PRKCA: variants seen among roughly 807,000 people sequenced by gnomAD.
PRKCA encodes the protein protein kinase C alpha, also known as protein kinase C alpha type.
A neutral mutation model predicts 87.0 loss-of-function variants in PRKCA; 27 were observed. The observed-to-expected ratio is 0.31, with a 90% CI of 0.23 to 0.43. The LOEUF is 0.43. PRKCA is among the 20% of genes least tolerant of loss of function. The pLI is 1.00. For synonymous variants in PRKCA, 329 were observed against 311.1 expected (o/e 1.06, Z -0.61); for missense variants, 518 against 852.3 (o/e 0.61, Z 4.88).
intron 3 of PRKCA, among the ~76,000 whole-genome samples, chr17:66,514,382 C>G (rs2144187774): frequency 6.6e-6 from 1 of 152,256 alleles, no homozygotes; most frequent in African/African-American, 2.4e-5. Flanking sequence ...GAGAACTCTC[C>G]TTCGCCCAAC....
At chr17:66,559,032 T>C (rs1514655) in intron 3 of PRKCA, among the ~76,000 whole-genome samples, 90,847 of 151,596 alleles carry the variant, frequency 0.6, 28,525 homozygotes, top group African/African-American at 0.8. Flanking sequence ...TCGAACAGGC[T>C]GTGGCTTCCC....
intron 2 of PRKCA, among the ~76,000 whole-genome samples, chr17:66,363,399 C>T (rs148037342): frequency 1.6e-3 from 237 of 152,244 alleles, no homozygotes; most frequent in African/African-American, 5.0e-3. Flanking sequence ...AAAAATGAAG[C>T]GTTGGTATTG....
chr17:66,669,859 G>A (rs568018269), intron 5 of PRKCA, among the ~76,000 whole-genome samples: 20 of 152,258 alleles, frequency 1.3e-4, no homozygotes, highest in East Asian at 1.2e-3. Flanking sequence ...CTGAGATTGC[G>A]CCACTGCACC....
intron 13 of PRKCA, among the ~76,000 whole-genome samples, chr17:66,743,530 C>T (rs901440428): frequency 6.6e-6 from 1 of 152,208 alleles, no homozygotes; most frequent in Non-Finnish European, 1.5e-5. Context: ...TTGACAGCAG[C>T]GGCTGTGCTG....
intron 2 of PRKCA, among the ~76,000 whole-genome samples, chr17:66,479,078 G>A (rs985674277): frequency 8.6e-5 from 13 of 152,042 alleles, no homozygotes; most frequent in African/African-American, 3.1e-4. Flanking sequence ...TATCAACCGA[G>A]TAAACAACCT....
intron 2 of PRKCA, among the ~76,000 whole-genome samples, chr17:66,454,544 G>A (rs1914492560): frequency 6.6e-6 from 1 of 152,294 alleles, no homozygotes; most frequent in African/African-American, 2.4e-5. Context: ...AAAGAAAGAG[G>A]TTTAATGGAC....
At chr17:66,512,136 G>T (rs2144177074) in intron 3 of PRKCA, among the ~76,000 whole-genome samples, 1 of 152,214 alleles carries the variant, frequency 6.6e-6, no homozygotes, top group Admixed American at 6.5e-5. Context: ...ACAGTAGCTA[G>T]TCTGATGTTT....
intron 2 of PRKCA, among the ~76,000 whole-genome samples, chr17:66,369,307 G>A (rs1472416047): frequency 3.3e-5 from 5 of 152,060 alleles, no homozygotes; most frequent in Non-Finnish European, 7.4e-5. Context: ...GTACTTCCAC[G>A]GGAGGATCAT....
chr17:66,693,779 G>A (rs78436387), intron 8 of PRKCA, among the ~76,000 whole-genome samples: 3 of 152,264 alleles, frequency 2.0e-5, no homozygotes, highest in East Asian at 1.9e-4. Flanking sequence ...CAAGTCTGCC[G>A]TTGCAGCTCA....
intron 2 of PRKCA, among the ~76,000 whole-genome samples, chr17:66,356,046 G>C (rs548687548): frequency 6.6e-6 from 1 of 151,902 alleles, no homozygotes; most frequent in Non-Finnish European, 1.5e-5. Context: ...TTTCAGGCAC[G>C]TGCCACCAAG....
Position 66,627,144 on chromosome 17 carries a change from G to A in PRKCA, c.289-14211G>A, listed in dbSNP as rs193101043. On this transcript the variant is annotated intron_variant, in intron 3 of 16. Coordinates refer to ENST00000413366, the MANE Select transcript of PRKCA (RefSeq NM_002737.3). ...GCAGAGATATTTTCATTAGGTATTTGTTTTGCTTTAAAAAACAACCCAGAA... is the reference window on the plus strand; with the variant it reads ...GCAGAGATATTTTCATTAGGTATTTATTTTGCTTTAAAAAACAACCCAGAA... 1.4e-3 allele frequency among the ~76,000 whole-genome samples: 208 copies of A among 152,248 alleles called. 1 individual carries two copies. Among genetic ancestry groups the A allele is most frequent in the African/African-American group, 4.9e-3 (203 of 41,534 alleles).
intron 2 of PRKCA, among the ~76,000 whole-genome samples, chr17:66,481,582 C>T (rs897040356): frequency 6.6e-6 from 1 of 152,186 alleles, no homozygotes; most frequent in Admixed American, 6.5e-5. Flanking sequence ...TTGGCCAACT[C>T]CTCTTGTCAC....
At chr17:66,556,117 C>T (rs1441196228) in intron 3 of PRKCA, among the ~76,000 whole-genome samples, 1 of 152,044 alleles carries the variant, frequency 6.6e-6, no homozygotes, top group Non-Finnish European at 1.5e-5. Context: ...GACTGAGCTG[C>T]ACCTTTGAGC....
At chr17:66,796,651 C>T in intron 16 of PRKCA, 5 of 985,384 alleles carry the variant, frequency 5.1e-6, no homozygotes, top group Non-Finnish European at 6.0e-6. Context: ...GGCCAGACCC[C>T]TTTGCTGGAT....
chr17:66,384,437 A>G (rs1215170299), intron 2 of PRKCA, among the ~76,000 whole-genome samples: 1 of 152,214 alleles, frequency 6.6e-6, no homozygotes, highest in East Asian at 1.9e-4. Flanking sequence ...AAATATGAAA[A>G]GCTGTGGATA....
At chr17:66,739,649 C>T (rs1974113454) in intron 11 of PRKCA, among the ~76,000 whole-genome samples, 1 of 152,046 alleles carries the variant, frequency 6.6e-6, no homozygotes, top group Non-Finnish European at 1.5e-5. Context: ...ATGACCGGCT[C>T]AGAGGTGGGG....
chr17:66,781,274 C>T (rs1340156924), intron 14 of PRKCA, among the ~76,000 whole-genome samples: 1 of 152,074 alleles, frequency 6.6e-6, no homozygotes, highest in East Asian at 1.9e-4. Context: ...ATGACCAGCA[C>T]CGGCCAATGA....
chr17:66,786,837 CT>C, intron 14 of PRKCA, 29 bp from the exon 15 acceptor site: 1 of 1,577,036 alleles, frequency 6.3e-7, no homozygotes, highest in Non-Finnish European at 8.7e-7. Context: ...TGCCTAAATA[CT>C]TTCCCATCTT....
rs571162711 is a variant in PRKCA, at chr17:66,587,799, G to A, written c.289-53556G>A. On this transcript the variant is annotated intron_variant, in intron 3 of 16. Transcript: ENST00000413366. Reference sequence around the variant, plus strand: ...TGTGTGTATATGTATACATATATACGTATATGTGTGTGTATATGTATACAT... The same window carrying A: ...TGTGTGTATATGTATACATATATACATATATGTGTGTGTATATGTATACAT... Among the ~76,000 whole-genome samples the A allele has an allele frequency of 3.5e-4, 38 of 108,682 alleles. 2 individuals carry two copies. Among genetic ancestry groups the A allele is most frequent in the Non-Finnish European group, 6.4e-4 (32 of 50,372 alleles). The allele number at this position is 108,682 out of a possible 152,430, so 71.3% of individuals were successfully genotyped here.
Sources: allele counts gnomAD v4.1 joint callset (sites outside exome capture counted in the v4.1 genomes callset), GRCh38; gene constraint gnomAD v4.1.1; transcripts MANE v1.5; gene names NCBI Gene and HGNC (gene_info 2026-07-23, HGNC 2026-07-21).